Variants in PTPRO observed in about 807,000 individuals in gnomAD.
PTPRO encodes receptor-type tyrosine-protein phosphatase O.
Under a neutral mutation model 145.2 loss-of-function variants are expected in PTPRO, and 62 were observed. The ratio of observed to expected loss-of-function variants is 0.43; its 90% CI spans 0.35 to 0.53. The LOEUF (loss-of-function observed/expected upper bound fraction) is 0.53. PTPRO is among the 20% of genes least tolerant of loss of function. The probability of loss-of-function intolerance (pLI) is 0.01; values close to 1 mark genes in which losing one functional copy is unlikely to be tolerated. For missense variants in PTPRO, 1,345 were observed against 1,482.7 expected, an observed-to-expected ratio of 0.91 and a Z score of 1.53; for synonymous variants, 565 against 514.7, an observed-to-expected ratio of 1.10 and a Z score of -1.32.
intron 16 of PTPRO, among the ~76,000 whole-genome samples, chr12:15,559,863 C>G (rs901141023): frequency 6.6e-6 from 1 of 152,042 alleles, no homozygotes; most frequent in Non-Finnish European, 1.5e-5. Context: ...GAATAAGCTT[C>G]AAGATAACTA....
intron 1 of PTPRO, among the ~76,000 whole-genome samples, chr12:15,432,752 A>C (rs1391155527): frequency 6.6e-6 from 1 of 152,230 alleles, no homozygotes; most frequent in East Asian, 1.9e-4. Context: ...TCTAATAATC[A>C]GTGATGCTGA....
chr12:15,557,462 G>C lies in PTPRO; in HGVS notation c.2566G>C (p.Gly856Arg). Residue 856 changes from glycine (G) to arginine (R), a missense_variant, in exon 16 of 27, where the codon GGA becomes CGA. Gly to Arg is a moderately radical substitution (Grantham distance 125, BLOSUM62 -2). Transcript: ENST00000281171. The part of the protein sequence containing the change: ...KKHLQMAREC[G>R]AGTFVNFASL... Reference sequence around the variant, plus strand: ...GTGGTTCCTTTAAAACAGGGAGTGTGGAGCTGGTACATTTGTCAATTTTGC... The same window carrying C: ...GTGGTTCCTTTAAAACAGGGAGTGTCGAGCTGGTACATTTGTCAATTTTGC... The C allele has an allele frequency of 5.6e-6, 9 of 1,613,754 alleles. No homozygotes were observed. The highest frequency in any genetic ancestry group is 7.6e-6 in the Non-Finnish European group (9 of 1,179,674).
At chr12:15,478,148 C>T (rs1941699184) in intron 1 of PTPRO, among the ~76,000 whole-genome samples, 1 of 152,202 alleles carries the variant, frequency 6.6e-6, no homozygotes, top group South Asian at 2.1e-4. Context: ...CAAGAGCAGA[C>T]TGCACATAGG....
intron 1 of PTPRO, among the ~76,000 whole-genome samples, chr12:15,420,747 C>G (rs1230475719): frequency 6.6e-6 from 1 of 152,176 alleles, no homozygotes; most frequent in East Asian, 1.9e-4. Flanking sequence ...GCCTATCTTT[C>G]AGTACTTATT....
chr12:15,534,024 A>G (rs1305540764), intron 12 of PTPRO, among the ~76,000 whole-genome samples: 1 of 152,160 alleles, frequency 6.6e-6, no homozygotes, highest in Non-Finnish European at 1.5e-5. Context: ...GTTGCCAATA[A>G]TTCTCAACAT....
chr12:15,511,003 C>CAAAA lies in PTPRO; in HGVS notation c.1464+2252_1464+2255dup, dbSNP rs10648692. On this transcript the variant is annotated intron_variant, in intron 7 of 26. Transcript: ENST00000281171. Reference sequence around the variant, plus strand: ...GTAACATAGTGAAACTCTGTCTCCACAAAAAAAAAAAAAAAAAAATTGCCT... The same window carrying CAAAA: ...GTAACATAGTGAAACTCTGTCTCCACAAAAAAAAAAAAAAAAAAAAAAATTGCCT... Among the ~76,000 whole-genome samples, 345 of 105,646 alleles carry CAAAA rather than the reference C, an allele frequency of 3.3e-3. 12 individuals are homozygous for CAAAA. The highest frequency in any genetic ancestry group is 9.2e-3 in the African/African-American group (272 of 29,646). 69.3% of individuals were successfully genotyped at this position (105,646 alleles called of 152,430 possible). A position where few individuals can be genotyped will look rare whatever the true frequency, so the allele number is the denominator to read the frequency against.
intron 10 of PTPRO, among the ~76,000 whole-genome samples, chr12:15,523,751 C>A (rs1211334407): frequency 6.6e-6 from 1 of 151,312 alleles, no homozygotes; most frequent in South Asian, 2.1e-4. Context: ...CTCCAGCTTG[C>A]GTGACAGATT....
chr12:15,575,384 A>G (rs1944159437), intron 19 of PTPRO, among the ~76,000 whole-genome samples: 1 of 152,174 alleles, frequency 6.6e-6, no homozygotes, highest in Admixed American at 6.5e-5. Context: ...GAATTTCTCC[A>G]AGGACCCCCT....
intron 16 of PTPRO, 89 bp downstream of exon 16, chr12:15,557,612 T>A: frequency 8.6e-7 from 1 of 1,167,256 alleles, no homozygotes; most frequent in Non-Finnish European, 1.3e-6. Context: ...GGGGATAGTT[T>A]TGTCTGATTA....
rs76440307 is a variant in PTPRO at position 15,556,458 on chromosome 12, C to T, written c.2559-997C>T. ...AGCTGTTATTCATGCATGAAATTAGCCAAAAGATAGAGAAGGCATGAGAAT... is the reference window on the plus strand; with the variant it reads ...AGCTGTTATTCATGCATGAAATTAGTCAAAAGATAGAGAAGGCATGAGAAT... On this transcript the variant is annotated intron_variant, in intron 15 of 26. Coordinates refer to ENST00000281171, the MANE Select transcript of PTPRO (RefSeq NM_030667.3). Among the ~76,000 whole-genome samples the T allele has an allele frequency of 2.4e-3, 366 of 151,714 alleles. 3 individuals carry two copies. The highest frequency in any genetic ancestry group is 3.2e-3 in the Non-Finnish European group (217 of 67,924).
At chr12:15,406,920 A>G (rs1278832747) in intron 1 of PTPRO, among the ~76,000 whole-genome samples, 2 of 152,254 alleles carry the variant, frequency 1.3e-5, no homozygotes, top group Admixed American at 1.3e-4. Context: ...GGTTTATCTC[A>G]TCACTAAAGT....
intron 2 of PTPRO, among the ~76,000 whole-genome samples, chr12:15,493,206 G>C (rs954636706): frequency 5.3e-5 from 8 of 152,028 alleles, no homozygotes; most frequent in African/African-American, 1.9e-4. Flanking sequence ...TCAAAGTACT[G>C]AGGAAAATAC....
intron 1 of PTPRO, among the ~76,000 whole-genome samples, chr12:15,330,542 G>A (rs1866579118): frequency 6.6e-6 from 1 of 152,154 alleles, no homozygotes; most frequent in Non-Finnish European, 1.5e-5. Context: ...TTGCCCTTTG[G>A]TTCCTAGTGA....
At chr12:15,369,481 T>C (rs1316888482) in intron 1 of PTPRO, among the ~76,000 whole-genome samples, 1 of 152,194 alleles carries the variant, frequency 6.6e-6, no homozygotes. Flanking sequence ...CCATCCAATT[T>C]TACTTTCTTT....
At chr12:15,333,709 A>G (rs910012844) in intron 1 of PTPRO, among the ~76,000 whole-genome samples, 2 of 152,154 alleles carry the variant, frequency 1.3e-5, no homozygotes, top group African/African-American at 4.8e-5. Context: ...TGACCTGGAG[A>G]TGCCATTTTG....
intron 1 of PTPRO, among the ~76,000 whole-genome samples, chr12:15,467,696 A>T (rs1941448541): frequency 6.6e-6 from 1 of 152,106 alleles, no homozygotes; most frequent in Admixed American, 6.6e-5. Flanking sequence ...TGGAAATCCA[A>T]ATCCCCCTTG....
chr12:15,529,357 A>G (rs897047413), intron 12 of PTPRO, among the ~76,000 whole-genome samples: 2 of 152,014 alleles, frequency 1.3e-5, no homozygotes, highest in African/African-American at 4.8e-5. Flanking sequence ...TCATCTCTCT[A>G]AAGTAACTTG....
chr12:15,413,094 T>C (rs1939845549), intron 1 of PTPRO, among the ~76,000 whole-genome samples: 1 of 151,722 alleles, frequency 6.6e-6, no homozygotes, highest in South Asian at 2.1e-4. Flanking sequence ...TGCCCGGCCT[T>C]GTTTTTGTTT....
intron 1 of PTPRO, among the ~76,000 whole-genome samples, chr12:15,388,364 T>C (rs1939089295): frequency 6.6e-6 from 1 of 152,080 alleles, no homozygotes; most frequent in African/African-American, 2.4e-5. Context: ...CCACCCTGAG[T>C]TTTACTGTAC....
Sources: gnomAD v4.1 joint callset for allele counts (sites outside exome capture counted in the v4.1 genomes callset) on GRCh38, gnomAD v4.1.1 for gene constraint, MANE v1.5 for transcripts, NCBI Gene and HGNC (gene_info 2026-07-23, HGNC 2026-07-21) for gene names.